The following ZDHHC14 variants were observed in gnomAD, a reference collection of about 807,000 sequenced individuals.
The protein encoded by ZDHHC14 is zDHHC palmitoyltransferase 14.
A neutral mutation model predicts 47.7 loss-of-function variants in ZDHHC14; 16 were observed. That is an observed-to-expected ratio of 0.34 (90% CI 0.23 to 0.51). ZDHHC14 has a LOEUF of 0.51. Among genes scored for constraint, ZDHHC14 ranks in the 20% least tolerant of loss-of-function variants. The probability of loss-of-function intolerance (pLI) is 0.97; values close to 1 mark genes in which losing one functional copy is unlikely to be tolerated. For synonymous variants in ZDHHC14, 293 were observed against 278.9 expected (o/e 1.05, Z -0.50); for missense variants, 515 against 662.5 (o/e 0.78, Z 2.44).
intron 2 of ZDHHC14, among the ~76,000 whole-genome samples, chr6:157,543,850 C>T (rs575327884): frequency 6.6e-6 from 1 of 152,320 alleles, no homozygotes; most frequent in Non-Finnish European, 1.5e-5. Flanking sequence ...CAATCTCTTT[C>T]TTAGCCCCTG....
At chr6:157,541,984 C>G (rs1781783867) in intron 1 of ZDHHC14, among the ~76,000 whole-genome samples, 1 of 152,186 alleles carries the variant, frequency 6.6e-6, no homozygotes, top group Non-Finnish European at 1.5e-5. Flanking sequence ...TCCCTTAAAT[C>G]TTCTTCCGAA....
chr6:157,430,951 G>T (rs1485183254), intron 1 of ZDHHC14, among the ~76,000 whole-genome samples: 1 of 152,242 alleles, frequency 6.6e-6, no homozygotes, highest in African/African-American at 2.4e-5. Flanking sequence ...TGGGTTACTT[G>T]TAAAGCCAGG....
intron 3 of ZDHHC14, among the ~76,000 whole-genome samples, chr6:157,624,376 A>G (rs2114944387): frequency 6.6e-6 from 1 of 152,348 alleles, no homozygotes; most frequent in East Asian, 1.9e-4. Flanking sequence ...CCTGAAAAGA[A>G]AGAATGCTGT....
intron 1 of ZDHHC14, among the ~76,000 whole-genome samples, chr6:157,478,987 A>C (rs745822760): frequency 6.6e-6 from 1 of 152,234 alleles, no homozygotes; most frequent in Non-Finnish European, 1.5e-5. Context: ...AGTGACACCC[A>C]GGAAAGGTCC....
chr6:157,635,808 G>A (rs1352737634), intron 5 of ZDHHC14, among the ~76,000 whole-genome samples: 1 of 152,198 alleles, frequency 6.6e-6, no homozygotes, highest in Non-Finnish European at 1.5e-5. Flanking sequence ...GAAGGGAAGG[G>A]AGGAAAAGAG....
At chr6:157,592,195 A>T (rs547445057) in intron 2 of ZDHHC14, among the ~76,000 whole-genome samples, 1 of 152,036 alleles carries the variant, frequency 6.6e-6, no homozygotes, top group East Asian at 1.9e-4. Context: ...AAAAGCTCCC[A>T]TGTGATCCTA....
chr6:157,476,218 A>G (rs1022463015), intron 1 of ZDHHC14, among the ~76,000 whole-genome samples: 1 of 152,198 alleles, frequency 6.6e-6, no homozygotes, highest in Non-Finnish European at 1.5e-5. Flanking sequence ...AAAAAGACTC[A>G]AATCAGAAAT....
chr6:157,520,258 C>A (rs1582879865), intron 1 of ZDHHC14, among the ~76,000 whole-genome samples: 2 of 152,184 alleles, frequency 1.3e-5, no homozygotes, highest in African/African-American at 4.8e-5. Context: ...TCTGCTCTTG[C>A]CCACAATGTG....
intron 1 of ZDHHC14, among the ~76,000 whole-genome samples, chr6:157,524,321 A>G (rs965631441): frequency 6.6e-6 from 1 of 152,104 alleles, no homozygotes; most frequent in African/African-American, 2.4e-5. Flanking sequence ...TTTAGTAGAG[A>G]TGGGGTTTCA....
At position 157,672,606 on chromosome 6, in the gene ZDHHC14, C is replaced by T. The variant is rs542687702; in HGVS notation, c.1069-118C>T. The stretch of plus-strand genomic sequence containing the variant: ...GCCTGGCTGACTGAGGTGTCACTAA[C>T]GGTTTCTCTCTTCTCGCACCCCACC... On this transcript the variant is annotated intron_variant, in intron 8 of 8. Transcript: ENST00000359775. 4.8e-4 allele frequency: 543 copies of T among 1,132,110 alleles called. 1 individual carries two copies. The highest frequency in any genetic ancestry group is 5.4e-4 in the Non-Finnish European group (431 of 804,038). The allele number at this position is 1,132,110 out of a possible 1,614,324, so 70.1% of individuals were successfully genotyped here. A position where few individuals can be genotyped will look rare whatever the true frequency, so the allele number is the denominator to read the frequency against.
intron 1 of ZDHHC14, among the ~76,000 whole-genome samples, chr6:157,475,058 G>A (rs1285001043): frequency 6.6e-6 from 1 of 151,988 alleles, no homozygotes; most frequent in Non-Finnish European, 1.5e-5. Context: ...GTTGATTTTT[G>A]TATATGGCAT....
chr6:157,494,751 A>G (rs1028060917), intron 1 of ZDHHC14, among the ~76,000 whole-genome samples: 2 of 152,262 alleles, frequency 1.3e-5, no homozygotes, highest in African/African-American at 4.8e-5. Context: ...AAGGGAGACA[A>G]TGATAAATTG....
intron 1 of ZDHHC14, among the ~76,000 whole-genome samples, chr6:157,384,167 A>C (rs1223624858): frequency 2.6e-5 from 4 of 152,198 alleles, no homozygotes; most frequent in Non-Finnish European, 4.4e-5. Flanking sequence ...AAATGGGTTA[A>C]TTTTGTGATT....
chr6:157,574,442 C>G (rs980977478), intron 2 of ZDHHC14, among the ~76,000 whole-genome samples: 1 of 152,128 alleles, frequency 6.6e-6, no homozygotes, highest in African/African-American at 2.4e-5. Flanking sequence ...TTGGAGCACC[C>G]GTGTCATTGC....
intron 1 of ZDHHC14, among the ~76,000 whole-genome samples, chr6:157,465,653 G>A (rs1406523614): frequency 1.3e-5 from 2 of 152,128 alleles, no homozygotes; most frequent in Non-Finnish European, 2.9e-5. Flanking sequence ...AGTGCCATGA[G>A]GCTCTCGTTA....
intron 4 of ZDHHC14, chr6:157,632,592 C>T: frequency 3.6e-6 from 2 of 558,578 alleles, no homozygotes; most frequent in Non-Finnish European, 6.4e-6. Flanking sequence ...GTGCAGACAT[C>T]CATCTGCTTT....
chr6:157,405,096 G>A (rs1401522123), intron 1 of ZDHHC14, among the ~76,000 whole-genome samples: 1 of 151,800 alleles, frequency 6.6e-6, no homozygotes, highest in East Asian at 1.9e-4. Context: ...ATTTTTTTCT[G>A]CTCATTAAAA....
intron 1 of ZDHHC14, among the ~76,000 whole-genome samples, chr6:157,503,842 T>C (rs756575484): frequency 5.3e-5 from 8 of 152,172 alleles, no homozygotes; most frequent in Non-Finnish European, 1.0e-4. Context: ...ATGATGCGTA[T>C]GAGGAAACAG....
intron 2 of ZDHHC14, among the ~76,000 whole-genome samples, chr6:157,564,787 T>A (rs1165841982): frequency 6.6e-6 from 1 of 152,214 alleles, no homozygotes; most frequent in Non-Finnish European, 1.5e-5. Flanking sequence ...CAGACTTAGA[T>A]AAAACTCATT....
Sources: allele counts gnomAD v4.1 joint callset (sites outside exome capture counted in the v4.1 genomes callset), GRCh38; gene constraint gnomAD v4.1.1; transcripts MANE v1.5; gene names NCBI Gene and HGNC (gene_info 2026-07-23, HGNC 2026-07-21).